The following MARCHF1 variants were observed in gnomAD, a reference collection of about 807,000 sequenced individuals.
MARCHF1 encodes the protein E3 ubiquitin-protein ligase MARCHF1.
A neutral mutation model predicts 54.2 loss-of-function variants in MARCHF1; 40 were observed. The ratio of observed to expected loss-of-function variants is 0.74; its 90% CI spans 0.57 to 0.96. The LOEUF is 0.96. Ranked by LOEUF, MARCHF1 falls within the 40% of genes least tolerant of loss-of-function variation. The pLI is 0.00. For synonymous variants in MARCHF1, 236 were observed against 236.3 expected, an observed-to-expected ratio of 1.00 and a Z score of 0.01; for missense variants, 586 against 656.5, an observed-to-expected ratio of 0.89 and a Z score of 1.17.
intron 8 of MARCHF1, among the ~76,000 whole-genome samples, chr4:163,570,635 A>G (rs1000309007): frequency 4.6e-5 from 7 of 152,090 alleles, no homozygotes; most frequent in Non-Finnish European, 1.0e-4. Context: ...GAGATTATAC[A>G]TTCTTGGCCT....
At chr4:163,673,184 A>T (rs1399405118) in intron 5 of MARCHF1, among the ~76,000 whole-genome samples, 4 of 152,202 alleles carry the variant, frequency 2.6e-5, no homozygotes, top group Non-Finnish European at 1.5e-5. Flanking sequence ...CATGTACTCC[A>T]TTATTTCTAG....
chr4:163,754,448 G>T (rs1440894030), intron 4 of MARCHF1, among the ~76,000 whole-genome samples: 1 of 152,164 alleles, frequency 6.6e-6, no homozygotes. Flanking sequence ...GGTGAAATTT[G>T]CAAGAATAGA....
rs1731963452 is a variant in MARCHF1 at position 164,217,375 on chromosome 4, T to G, written c.-322-105713A>C. Among the ~76,000 whole-genome samples, 3 of 152,194 alleles carry G rather than the reference T, an allele frequency of 2.0e-5. 1 individual carries two copies. The South Asian group carries it at 6.2e-4, about 31-fold the overall frequency. On this transcript the variant is annotated intron_variant, in intron 1 of 9. Transcript: ENST00000514618. ...ATTAAAGGTAAAAGTTTTGAGACAT[T>G]GTTAAACAAAGAAAACAAAATGATT...
At chr4:163,736,841 T>C (rs1746048031) in intron 4 of MARCHF1, among the ~76,000 whole-genome samples, 1 of 152,200 alleles carries the variant, frequency 6.6e-6, no homozygotes, top group South Asian at 2.1e-4. Flanking sequence ...AAATGCTTTT[T>C]CATTAAAAAT....
chr4:163,548,298 A>G (rs534834582), intron 8 of MARCHF1, among the ~76,000 whole-genome samples: 1 of 152,362 alleles, frequency 6.6e-6, no homozygotes, highest in Admixed American at 6.5e-5. Flanking sequence ...TCTGTGTTGC[A>G]AGTGGATAGA....
At chr4:164,097,678 C>G (rs960910110) in intron 2 of MARCHF1, among the ~76,000 whole-genome samples, 2 of 152,108 alleles carry the variant, frequency 1.3e-5, no homozygotes, top group African/African-American at 4.8e-5. Flanking sequence ...CTTCACCAGA[C>G]TTCCAAATGG....
rs529688804 is a variant in MARCHF1 at position 164,143,226 on chromosome 4, G to A, written c.-322-31564C>T. Among the ~76,000 whole-genome samples the A allele has an allele frequency of 2.6e-5, 4 of 152,012 alleles. No homozygotes were observed. The South Asian group carries it at 6.3e-4, about 24-fold the overall frequency. ...GTACCTGAAAGTGACTGGGAGAATG[G>A]AACCAAGTTGGAAAACACTCTGCAG... On this transcript the variant is annotated intron_variant, in intron 1 of 9. Coordinates refer to ENST00000514618, the MANE Select transcript of MARCHF1 (RefSeq NM_001394959.1).
chr4:164,342,679 C>T (rs953666377), intron 1 of MARCHF1, among the ~76,000 whole-genome samples: 4 of 152,064 alleles, frequency 2.6e-5, no homozygotes, highest in South Asian at 2.1e-4. Flanking sequence ...TTCATTGCAG[C>T]GTTATTCCTA....
At chr4:163,698,745 A>C (rs1744711296) in intron 5 of MARCHF1, among the ~76,000 whole-genome samples, 1 of 152,162 alleles carries the variant, frequency 6.6e-6, no homozygotes, top group South Asian at 2.1e-4. Flanking sequence ...AGAAATGCAG[A>C]TATAATTTCA....
intron 5 of MARCHF1, among the ~76,000 whole-genome samples, chr4:163,689,326 G>C (rs1052719889): frequency 6.6e-6 from 1 of 152,118 alleles, no homozygotes; most frequent in Non-Finnish European, 1.5e-5. Flanking sequence ...TTTTCTAGCT[G>C]TACTGAAAAT....
chr4:164,051,392 T>C (rs1034528831), intron 2 of MARCHF1, among the ~76,000 whole-genome samples: 1 of 152,128 alleles, frequency 6.6e-6, no homozygotes, highest in Non-Finnish European at 1.5e-5. Flanking sequence ...TTATATACAA[T>C]ATGCTTTGTG....
intron 1 of MARCHF1, among the ~76,000 whole-genome samples, chr4:164,173,769 C>A (rs753159343): frequency 8.5e-5 from 13 of 152,164 alleles, no homozygotes; most frequent in Non-Finnish European, 1.3e-4. Context: ...GAGGTCCTCA[C>A]TAGAAGATGC....
intron 4 of MARCHF1, among the ~76,000 whole-genome samples, chr4:163,845,460 TACACACACACACAC>T (rs10611765): frequency 5.7e-4 from 79 of 137,594 alleles, no homozygotes; most frequent in Admixed American, 3.7e-3. Context: ...GCACCTCAGT[TACACACACACACAC>T]ACACACACAC....
chr4:163,887,317 G>A (rs1281351543), intron 3 of MARCHF1, among the ~76,000 whole-genome samples: 2 of 151,974 alleles, frequency 1.3e-5, no homozygotes, highest in African/African-American at 4.8e-5. Flanking sequence ...AGAATGAGAT[G>A]GAGCCAATCA....
At chr4:163,999,999 C>A (rs150395425) in intron 2 of MARCHF1, among the ~76,000 whole-genome samples, 2 of 151,668 alleles carry the variant, frequency 1.3e-5, no homozygotes, top group Non-Finnish European at 3.0e-5. Flanking sequence ...ATTAATTGTG[C>A]GAGGTGATAA....
At chr4:163,756,311 G>C (rs1746665078) in intron 4 of MARCHF1, among the ~76,000 whole-genome samples, 2 of 151,972 alleles carry the variant, frequency 1.3e-5, no homozygotes, top group Non-Finnish European at 2.9e-5. Flanking sequence ...AGAGATCATG[G>C]GTACAGAAGG....
rs570770887 is a variant in MARCHF1 at position 163,812,438 on chromosome 4, T to C, written c.111+41583A>G. Among the ~76,000 whole-genome samples, 5 of 152,218 alleles carry C rather than the reference T, an allele frequency of 3.3e-5. No individual in the cohort carries two copies. The East Asian group carries it at 5.8e-4, about 18-fold the overall frequency. On this transcript the variant is annotated intron_variant, in intron 4 of 9. Transcript: ENST00000514618. Reference sequence around the variant, plus strand: ...GAAGCTGAGGCTTACATATATTCGGTATAAGTCCACAGTGTCTGATTCAAA... The same window carrying C: ...GAAGCTGAGGCTTACATATATTCGGCATAAGTCCACAGTGTCTGATTCAAA...
At chr4:163,736,418 A>T (rs187879433) in intron 4 of MARCHF1, among the ~76,000 whole-genome samples, 3 of 152,206 alleles carry the variant, frequency 2.0e-5, no homozygotes, top group African/African-American at 7.2e-5. Context: ...TCATGTCGCT[A>T]CTCAAAACTG....
chr4:163,901,230 G>A (rs1213588923), intron 3 of MARCHF1, among the ~76,000 whole-genome samples: 1 of 152,144 alleles, frequency 6.6e-6, no homozygotes, highest in Admixed American at 6.5e-5. Context: ...TCTGTCAACA[G>A]ATGATTATAA....
Sources: allele counts gnomAD v4.1 joint callset (sites outside exome capture counted in the v4.1 genomes callset), GRCh38; gene constraint gnomAD v4.1.1; transcripts MANE v1.5; gene names NCBI Gene and HGNC (gene_info 2026-07-23, HGNC 2026-07-21).